RAB38: variants seen among roughly 807,000 people sequenced by gnomAD.
RAB38 encodes the protein ras-related protein Rab-38.
In RAB38, 15 loss-of-function variants were observed where a neutral mutation model predicts 18.4. The observed-to-expected ratio is 0.82, with a 90% CI of 0.55 to 1.26. The LOEUF is 1.26. Among genes scored for constraint, RAB38 ranks in the 50% most tolerant of loss-of-function variants. RAB38 has a pLI of 0.00. For missense variants in RAB38, 294 were observed against 267.4 expected, an observed-to-expected ratio of 1.10 and a Z score of -0.69; for synonymous variants, 101 against 104.4, an observed-to-expected ratio of 0.97 and a Z score of 0.20.
chr11:87,820,763 A>C, the RAB38 span, among the ~76,000 whole-genome samples: 1 of 152,240 alleles, frequency 6.6e-6, no homozygotes, highest in African/African-American at 2.4e-5. Flanking sequence ...AAATTATAAA[A>C]TAACTCTCTA....
At chr11:87,955,642 A>ACATTTAGCTCTTATATCTATC in the RAB38 span, among the ~76,000 whole-genome samples, 3 of 152,154 alleles carry the variant, frequency 2.0e-5, no homozygotes, top group African/African-American at 7.2e-5. Context: ...AATAAGCACA[A>ACATTTAGCTCTTATATCTATC]CATTTAGCTC....
the RAB38 span, among the ~76,000 whole-genome samples, chr11:87,938,907 T>C: frequency 6.6e-6 from 1 of 152,112 alleles, no homozygotes; most frequent in Admixed American, 6.6e-5. Context: ...AAGGTTTCAA[T>C]TGTACTTAGT....
the RAB38 span, among the ~76,000 whole-genome samples, chr11:88,085,853 G>T: frequency 2.0e-5 from 3 of 151,954 alleles, no homozygotes; most frequent in East Asian, 5.8e-4. Context: ...AAAAATTACT[G>T]CCCCATGCTT....
At chr11:87,838,682 A>T in the RAB38 span, among the ~76,000 whole-genome samples, 1 of 152,188 alleles carries the variant, frequency 6.6e-6, no homozygotes, top group Non-Finnish European at 1.5e-5. Flanking sequence ...ATGTGGGTGT[A>T]TCTGAACCCC....
chr11:88,018,521 C>T, the RAB38 span, among the ~76,000 whole-genome samples: 2 of 152,006 alleles, frequency 1.3e-5, no homozygotes, highest in Non-Finnish European at 2.9e-5. Context: ...TATCCATTGT[C>T]TCCATTTCTC....
At chr11:87,953,166 A>ATAAT in the RAB38 span, among the ~76,000 whole-genome samples, 2 of 152,196 alleles carry the variant, frequency 1.3e-5, no homozygotes, top group Non-Finnish European at 2.9e-5. Flanking sequence ...TGGAGGTATA[A>ATAAT]TAATATACAA....
At chr11:87,876,493 C>T in the RAB38 span, among the ~76,000 whole-genome samples, 1 of 151,478 alleles carries the variant, frequency 6.6e-6, no homozygotes, top group Non-Finnish European at 1.5e-5. Flanking sequence ...ACTAACACAG[C>T]TTTGAAAGAG....
At chr11:88,096,095 CCTCTT>C in the RAB38 span, among the ~76,000 whole-genome samples, 37,974 of 151,330 alleles carry the variant, frequency 0.25, 6,221 homozygotes, top group African/African-American at 0.45. Flanking sequence ...TAATTCCACT[CCTCTT>C]CTCAGTATCT....
chr11:87,943,598 A>C, the RAB38 span, among the ~76,000 whole-genome samples: 1 of 152,174 alleles, frequency 6.6e-6, no homozygotes, highest in African/African-American at 2.4e-5. Flanking sequence ...GGTTATGAAA[A>C]TAACTGCTTT....
At chr11:88,062,034 G>A in the RAB38 span, 2 of 151,748 alleles carry the variant, frequency 1.3e-5, no homozygotes, top group Non-Finnish European at 2.9e-5. Context: ...AGCTATAGTA[G>A]AGAAATGAAA....
intron 1 of RAB38, among the ~76,000 whole-genome samples, chr11:88,158,279 G>A (rs1310594071): frequency 6.6e-6 from 1 of 151,978 alleles, no homozygotes; most frequent in Non-Finnish European, 1.5e-5. Flanking sequence ...AAAATTGAAT[G>A]AGTAATAAAG....
chr11:87,840,738 T>C, the RAB38 span, among the ~76,000 whole-genome samples: 2 of 152,346 alleles, frequency 1.3e-5, no homozygotes, highest in South Asian at 2.1e-4. Flanking sequence ...AATATGGATG[T>C]TTCTAATTTG....
the RAB38 span, among the ~76,000 whole-genome samples, chr11:88,008,260 C>G: frequency 6.6e-6 from 1 of 151,868 alleles, no homozygotes; most frequent in African/African-American, 2.4e-5. Context: ...CCATAAAACA[C>G]AAAAGAGCTT....
chr11:87,955,160 G>A, the RAB38 span, among the ~76,000 whole-genome samples: 2 of 147,760 alleles, frequency 1.4e-5, no homozygotes, highest in African/African-American at 4.9e-5. Context: ...AAGCCACATT[G>A]GCACACACTC....
At chr11:88,078,183 A>C in the RAB38 span, among the ~76,000 whole-genome samples, 1 of 152,060 alleles carries the variant, frequency 6.6e-6, no homozygotes, top group South Asian at 2.1e-4. Context: ...GCAAGGATGT[A>C]GAGAAAAAGG....
chr11:88,166,366 A>G (rs1420463991), intron 1 of RAB38: 1 of 152,166 alleles, frequency 6.6e-6, no homozygotes, highest in Non-Finnish European at 1.5e-5. Flanking sequence ...TGCTGAAGAC[A>G]GCACCCAAAC....
chr11:87,953,900 G>T, the RAB38 span, among the ~76,000 whole-genome samples: 2 of 149,816 alleles, frequency 1.3e-5, no homozygotes, highest in African/African-American at 4.9e-5. Context: ...GAACAATTTC[G>T]TTAGCTATTT....
At chr11:88,104,023 C>A in the RAB38 span, among the ~76,000 whole-genome samples, 7 of 152,118 alleles carry the variant, frequency 4.6e-5, no homozygotes, top group Non-Finnish European at 8.8e-5. Context: ...GTTTCCTGAT[C>A]ATCTGCCCTG....
At chr11:87,840,951 C>G in the RAB38 span, among the ~76,000 whole-genome samples, 10 of 152,256 alleles carry the variant, frequency 6.6e-5, no homozygotes, top group African/African-American at 2.2e-4. Flanking sequence ...AGGTATTAAG[C>G]ATGACAACTC....
Sources: gnomAD v4.1 joint callset for allele counts (sites outside exome capture counted in the v4.1 genomes callset) on GRCh38, gnomAD v4.1.1 for gene constraint, MANE v1.5 for transcripts, NCBI Gene and HGNC (gene_info 2026-07-23, HGNC 2026-07-21) for gene names.